METTL9: variants seen among roughly 807,000 people sequenced by gnomAD.
METTL9 encodes protein-L-histidine N-pros-methyltransferase.
METTL9 carries 10 observed loss-of-function variants against 36.0 expected under a neutral mutation model. That is an observed-to-expected ratio of 0.28 (90% CI 0.17 to 0.47). The LOEUF (loss-of-function observed/expected upper bound fraction) is 0.47. METTL9 is among the 20% of genes least tolerant of loss of function. The pLI is 0.99. For missense variants in METTL9, 246 were observed against 383.5 expected (o/e 0.64, Z 3.00); for synonymous variants, 175 against 149.7 (o/e 1.17, Z -1.23).
intron 1 of METTL9, among the ~76,000 whole-genome samples, chr16:21,605,978 C>T (rs982820072): frequency 3.9e-5 from 6 of 152,074 alleles, no homozygotes; most frequent in Non-Finnish European, 8.8e-5. Flanking sequence ...TTTGGGAGTT[C>T]CCACAACTCT....
intron 4 of METTL9, chr16:21,646,681 G>A: frequency 4.1e-6 from 1 of 242,972 alleles, no homozygotes; most frequent in Non-Finnish European, 8.3e-6. Context: ...CTGAGATGGA[G>A]TCTTGCTTTG....
chr16:21,628,348 T>A (rs1965860031), intron 4 of METTL9, among the ~76,000 whole-genome samples: 1 of 152,114 alleles, frequency 6.6e-6, no homozygotes, highest in South Asian at 2.1e-4. Flanking sequence ...AAATAGCCAT[T>A]TTCTTCTCCA....
chr16:21,654,037 T>G (rs1438133815), intron 4 of METTL9: 2 of 87,442 alleles, frequency 2.3e-5, no homozygotes, highest in African/African-American at 5.1e-5. Context: ...GTCTGTTTTG[T>G]TTTTTTTTTT....
At chr16:21,650,516 A>AG in intron 4 of METTL9, among the ~76,000 whole-genome samples, 1 of 151,826 alleles carries the variant, frequency 6.6e-6, no homozygotes, top group Admixed American at 6.5e-5. Flanking sequence ...CTCAAAAAAA[A>AG]AAAAAAAAAA....
intron 1 of METTL9, among the ~76,000 whole-genome samples, chr16:21,600,968 C>T (rs997886069): frequency 1.3e-5 from 2 of 152,034 alleles, no homozygotes; most frequent in East Asian, 1.9e-4. Flanking sequence ...GAATTTACAC[C>T]CAGGTTGATT....
intron 4 of METTL9, 115 bp from the exon 5 acceptor site, chr16:21,655,112 G>A: frequency 1.2e-6 from 1 of 854,234 alleles, no homozygotes; most frequent in South Asian, 1.8e-5. Context: ...GGTAACTCAT[G>A]AAGCCCTCAG....
intron 3 of METTL9, among the ~76,000 whole-genome samples, chr16:21,622,770 A>C (rs1386231104): frequency 6.6e-6 from 1 of 152,166 alleles, no homozygotes; most frequent in African/African-American, 2.4e-5. Context: ...TTCTCTTCCA[A>C]AATTACCAAC....
chr16:21,601,871 C>G (rs1965140240), intron 1 of METTL9, among the ~76,000 whole-genome samples: 1 of 151,698 alleles, frequency 6.6e-6, no homozygotes, highest in South Asian at 2.1e-4. Context: ...AATAATGAAT[C>G]CAGACATTAT....
At chr16:21,654,692 A>ATCAATGT (rs1397927187) in intron 4 of METTL9, 1 of 153,672 alleles carries the variant, frequency 6.5e-6, no homozygotes, top group African/African-American at 2.4e-5. Flanking sequence ...CTCCCCAATG[A>ATCAATGT]TCTGCTTTTC....
chr16:21,620,889 AT>A (rs960615252), intron 3 of METTL9, among the ~76,000 whole-genome samples: 2 of 151,670 alleles, frequency 1.3e-5, no homozygotes, highest in Non-Finnish European at 2.9e-5. Flanking sequence ...TGAATTTTAC[AT>A]TTTTTTCTTC....
At chr16:21,647,186 A>G (rs1489083834) in intron 4 of METTL9, 2 of 1,613,992 alleles carry the variant, frequency 1.2e-6, no homozygotes, top group Non-Finnish European at 1.7e-6. Flanking sequence ...CGCTTCCGGC[A>G]CACTGGGGAA....
intron 3 of METTL9, among the ~76,000 whole-genome samples, chr16:21,618,896 A>C (rs1448881143): frequency 6.6e-6 from 1 of 151,882 alleles, no homozygotes; most frequent in Non-Finnish European, 1.5e-5. Flanking sequence ...TTGTAGTTTT[A>C]GTAGGGATAG....
chr16:21,608,072 C>T (rs1420581132), intron 1 of METTL9, among the ~76,000 whole-genome samples: 2 of 151,964 alleles, frequency 1.3e-5, no homozygotes, highest in Non-Finnish European at 2.9e-5. Context: ...TCACTTGAAC[C>T]CGGCAGGCAG....
At chr16:21,637,761 G>A (rs1485395549) in intron 4 of METTL9, among the ~76,000 whole-genome samples, 5 of 152,230 alleles carry the variant, frequency 3.3e-5, no homozygotes, top group Admixed American at 6.5e-5. Flanking sequence ...ACTTCCCCGC[G>A]AGCAGAGAGC....
intron 3 of METTL9, among the ~76,000 whole-genome samples, chr16:21,623,501 C>T (rs1965752005): frequency 6.6e-6 from 1 of 152,104 alleles, no homozygotes; most frequent in Non-Finnish European, 1.5e-5. Flanking sequence ...TCTATCATAA[C>T]ATATCTCACC....
At chr16:21,641,599 A>G (rs761220095) in intron 4 of METTL9, 3 of 1,544,992 alleles carry the variant, frequency 1.9e-6, no homozygotes, top group Non-Finnish European at 1.8e-6. Flanking sequence ...TTCTCCTGCA[A>G]TAATAAATAA....
At chr16:21,603,440 C>G (rs1422947367) in intron 1 of METTL9, among the ~76,000 whole-genome samples, 2 of 152,128 alleles carry the variant, frequency 1.3e-5, no homozygotes, top group African/African-American at 2.4e-5. Flanking sequence ...CAACCAGCCT[C>G]CAACAGCATA....
rs567407623 is a variant in METTL9 at position 21,650,427 on chromosome 16, G to C, written c.752-4800G>C. On this transcript the variant is annotated intron_variant, in intron 4 of 4. Transcript: ENST00000358154. ...GGAGGCTGAAGCAGGAGAATCGCTT[G>C]AACGTAGGAGGTGGAGGTTGCAGTG... 2.7e-3 allele frequency among the ~76,000 whole-genome samples: 408 copies of C among 149,870 alleles called. 2 individuals carry two copies. Among genetic ancestry groups the C allele is most frequent in the African/African-American group, 9.5e-3 (387 of 40,786 alleles).
chr16:21,632,374 C>T (rs140458644), intron 4 of METTL9, among the ~76,000 whole-genome samples: 6 of 152,216 alleles, frequency 3.9e-5, no homozygotes, highest in Admixed American at 6.5e-5. Context: ...CTTTCAAGTA[C>T]GGTTACATCA....
Sources: allele counts gnomAD v4.1 joint callset (sites outside exome capture counted in the v4.1 genomes callset), GRCh38; gene constraint gnomAD v4.1.1; transcripts MANE v1.5; gene names NCBI Gene and HGNC (gene_info 2026-07-23, HGNC 2026-07-21).